The following SCNN1A variants were observed in gnomAD, a reference collection of about 807,000 sequenced individuals.
The protein encoded by SCNN1A is sodium channel epithelial 1 subunit alpha.
SCNN1A carries 65 observed loss-of-function variants against 68.6 expected under a neutral mutation model. The observed-to-expected ratio is 0.95, with a 90% CI of 0.78 to 1.16. SCNN1A has a LOEUF of 1.16. Ranked by LOEUF, SCNN1A falls within the 50% of genes most tolerant of loss-of-function variation. The pLI, the probability that SCNN1A is intolerant of heterozygous loss-of-function variation, is 0.00. For synonymous variants in SCNN1A, 357 were observed against 353.3 expected (o/e 1.01, Z -0.12); for missense variants, 880 against 865.9 (o/e 1.02, Z -0.20).
intron 4 of SCNN1A, among the ~76,000 whole-genome samples, chr12:6,358,938 G>A (rs1481756364): frequency 6.6e-6 from 1 of 151,230 alleles, no homozygotes; most frequent in Admixed American, 6.6e-5. Flanking sequence ...TCTGATCCAT[G>A]CTACAACATG....
intron 4 of SCNN1A, among the ~76,000 whole-genome samples, chr12:6,361,673 G>A (rs1207347505): frequency 6.6e-6 from 1 of 152,162 alleles, no homozygotes; most frequent in Non-Finnish European, 1.5e-5. Flanking sequence ...ACCCCAGGAG[G>A]TGAAGGTTGC....
At chr12:6,371,085 G>T (rs1400226666) in intron 2 of SCNN1A, among the ~76,000 whole-genome samples, 1 of 152,094 alleles carries the variant, frequency 6.6e-6, no homozygotes, top group Non-Finnish European at 1.5e-5. Context: ...CCCTTTCCTT[G>T]AAGTTAGAAA....
chr12:6,375,851 G>C, upstream of SCNN1A: 1 of 1,328,470 alleles, frequency 7.5e-7, no homozygotes, highest in Admixed American at 3.6e-5. Context: ...CAGGCTGAGA[G>C]GGCCTGGGTG....
chr12:6,352,927 C>A (rs1343388627), intron 8 of SCNN1A, among the ~76,000 whole-genome samples: 1 of 152,236 alleles, frequency 6.6e-6, no homozygotes, highest in African/African-American at 2.4e-5. Flanking sequence ...CATGTCCCCT[C>A]CCGTGATGGC....
At chr12:6,355,249 G>T in intron 6 of SCNN1A, 23 bp downstream of exon 6, 2 of 1,607,970 alleles carry the variant, frequency 1.2e-6, no homozygotes, top group Non-Finnish European at 8.5e-7. Context: ...GCTCCTTCCA[G>T]GCCTCCCAGT....
rs374032839 is a variant in SCNN1A, at chr12:6,374,586, G to T, written c.198C>A (p.Thr66=). Residue 66 remains threonine (T), a synonymous_variant, in exon 2 of 13, where the codon ACC becomes ACA. Transcript: ENST00000228916. The surrounding 1 kb of genome is among the most constrained non-coding windows in gnomAD (Gnocchi z 6.2). ...RELFEFFCNN[T]TIHGAIRLVC... ...CCAGGCGGATGGCGCCGTGGATGGT[G>T]GTGTTGTTGCAGAAGAACTCGAAGA... The T allele has an allele frequency of 6.2e-6, 10 of 1,614,008 alleles. No individual in the cohort carries two copies. The highest frequency in any genetic ancestry group is 6.8e-6 in the Non-Finnish European group (8 of 1,180,024).
chr12:6,360,365 A>G (rs559685071), intron 4 of SCNN1A, among the ~76,000 whole-genome samples: 1 of 151,856 alleles, frequency 6.6e-6, no homozygotes, highest in East Asian at 1.9e-4. Flanking sequence ...GGGTGAGGGC[A>G]TAGGGAAAGC....
rs763884363 is a variant in SCNN1A, at chr12:6,353,616, G to A, written c.1360+822C>T. On this transcript the variant is annotated intron_variant, in intron 8 of 12. Transcript: ENST00000228916. The stretch of plus-strand genomic sequence containing the variant: ...TATTTATTTATTTTTTTTTGAGACC[G>A]AGTCTCGCTGTCACCCAGGCTGGAG... The A allele has an allele frequency of 3.0e-5, 4 of 131,252 alleles. 1 individual carries two copies. The highest frequency in any genetic ancestry group is 4.5e-4 in the East Asian group (2 of 4,420). The allele number at this position is 131,252 out of a possible 1,614,324, so 8.1% of individuals were successfully genotyped here.
intron 2 of SCNN1A, among the ~76,000 whole-genome samples, chr12:6,366,652 T>A (rs1261832088): frequency 1.3e-5 from 2 of 151,930 alleles, no homozygotes; most frequent in Admixed American, 1.3e-4. Context: ...AATGCAAAAT[T>A]AGCCGGGCGT....
Position 6,363,707 on chromosome 12 carries a change from G to C in SCNN1A, c.420C>G (p.Tyr140Ter). ...CCTCCAGCTCCTCTTTAATTTCCGG[G>C]TACCTGAAGGGGCGAGGGGAAGAGG... ...VTICTLNPYR[Y>*]PEIKEELEEL... Residue 140 changes from tyrosine to a stop codon, truncating the protein, a stop_gained, in exon 3 of 13, where the codon TAC (tyrosine) becomes TAG (stop). Transcript: ENST00000228916. LOFTEE classifies it high-confidence loss of function. 1 of 1,597,400 alleles carries C rather than the reference G, an allele frequency of 6.3e-7. No homozygotes were observed. The highest frequency in any genetic ancestry group is 8.5e-7 in the Non-Finnish European group (1 of 1,171,424).
chr12:6,366,101 G>A (rs780098831), intron 2 of SCNN1A, among the ~76,000 whole-genome samples: 3 of 152,014 alleles, frequency 2.0e-5, no homozygotes, highest in Admixed American at 6.6e-5. Flanking sequence ...TGATCCGCCC[G>A]TCTCGGCCTC....
At chr12:6,375,258 C>T in intron 1 of SCNN1A, 1 of 1,438,074 alleles carries the variant, frequency 7.0e-7, no homozygotes. Context: ...CTCTTTCTGG[C>T]CTGCCTCCTC....
chr12:6,369,294 T>G (rs61916390), intron 2 of SCNN1A, among the ~76,000 whole-genome samples: 1,295 of 108,184 alleles, frequency 0.012, 7 homozygotes, highest in African/African-American at 0.029. Context: ...GCCACCCTAC[T>G]CACCTCCCTC....
chr12:6,354,769 G>C lies in SCNN1A; in HGVS notation c.1223C>G (p.Pro408Arg), dbSNP rs1220583350. 4.3e-6 allele frequency: 7 copies of C among 1,613,764 alleles called. No individual in the cohort carries two copies. The South Asian group carries it at 7.7e-5, about 18-fold the overall frequency. ...GSDVPVENLY[P>R]SKYTQQVCIH... ...CCTCACCTGCTGTGTGTACTTTGAA[G>C]GGTAAAGGTTCTCAACAGGAACATC... The change falls in exon 7 of 13, where the codon CCT becomes CGT. Residue 408 changes from proline (P) to arginine (R), a missense_variant. By Grantham distance (103) the Pro-to-Arg change is moderately radical. Around this residue, in one of 3 missense-constraint regions of SCNN1A, gnomAD observed 758 missense variants for 721.8 expected, o/e 1.05. Transcript: ENST00000228916.
chr12:6,361,305 G>T (rs1948576030), intron 4 of SCNN1A, among the ~76,000 whole-genome samples: 2 of 152,144 alleles, frequency 1.3e-5, no homozygotes, highest in Admixed American at 1.3e-4. Context: ...GAGCTAGAGT[G>T]GGAACTTAGG....
In SCNN1A at chr12:6,372,520, T is replaced by C. The variant is rs1161159587; in HGVS notation, c.416+1848A>G. 6.6e-6 allele frequency among the ~76,000 whole-genome samples: 1 copy of C among 152,244 alleles called. No homozygotes were observed. The highest frequency in any genetic ancestry group is 1.5e-5 in the Non-Finnish European group (1 of 68,046). On this transcript the variant is annotated intron_variant, in intron 2 of 12. Transcript: ENST00000228916. This position sits in a 1 kb window ranked among gnomAD's most constrained non-coding sequence, Gnocchi z 5.8. ...CTGCAGGCCCCAGAGGCAGGGCTTA[T>C]GGCTTCCTTTCCCCGGCTTTTTCCT...
chr12:6,363,434 G>A lies in SCNN1A; in HGVS notation c.684+9C>T, dbSNP rs111317117. Reference sequence around the variant, plus strand: ...GGCGGGGCGGGCCCCTCGGCGCTGCGGGCCTCACCAGCTGGAAGCCGATCT... The same window carrying A: ...GGCGGGGCGGGCCCCTCGGCGCTGCAGGCCTCACCAGCTGGAAGCCGATCT... On this transcript the variant is annotated intron_variant, in intron 3 of 12. Transcript: ENST00000228916. 5.1e-3 allele frequency: 7,921 copies of A among 1,549,718 alleles called. 27 individuals carry two copies. Among genetic ancestry groups the A allele is most frequent in the Non-Finnish European group, 6.4e-3 (7,322 of 1,149,166 alleles).
upstream of SCNN1A, chr12:6,377,147 G>A: frequency 1.1e-6 from 1 of 881,354 alleles, no homozygotes; most frequent in Non-Finnish European, 1.8e-6. Flanking sequence ...TCCAGGCTCA[G>A]GGTCCAACCT....
intron 10 of SCNN1A, 69 bp from the exon 11 acceptor site, chr12:6,349,074 T>C: frequency 1.2e-6 from 2 of 1,604,248 alleles, no homozygotes; most frequent in Non-Finnish European, 1.7e-6. Flanking sequence ...TAGGGTTGTG[T>C]CAAACACACT....
Sources: gnomAD v4.1 joint callset for allele counts (sites outside exome capture counted in the v4.1 genomes callset) on GRCh38, gnomAD v4.1.1 for gene constraint, gnomAD v4.1.1 regional missense constraint, Gnocchi (gnomAD v3.1) non-coding constraint, MANE v1.5 for transcripts, NCBI Gene and HGNC (gene_info 2026-07-23, HGNC 2026-07-21) for gene names.